Variants in HPDL observed in about 807,000 individuals in gnomAD.
HPDL encodes the protein 4-hydroxyphenylpyruvate dioxygenase-like protein.
In HPDL, 7 loss-of-function variants were observed where a neutral mutation model predicts 9.8. That is an observed-to-expected ratio of 0.71 (90% CI 0.41 to 1.34). The LOEUF is 1.34. Among genes scored for constraint, HPDL ranks in the 40% most tolerant of loss-of-function variants. The pLI is 0.01. For synonymous variants in HPDL, 250 were observed against 228.2 expected (o/e 1.10, Z -0.86); for missense variants, 530 against 495.1 (o/e 1.07, Z -0.67).
rs778577806 is a variant in HPDL at position 45,327,165 on chromosome 1, T to A, written c.17T>A (p.Leu6His). 1 of 1,564,826 alleles carries A rather than the reference T, an allele frequency of 6.4e-7. No individual in the cohort carries two copies. The highest frequency in any genetic ancestry group is 1.2e-5 in the South Asian group (1 of 86,188). Reference sequence around the variant, plus strand: ...CAGAGCGCCATGGCCGCGCCCGCCCTTCGTTTGTGCCACATCGCCTTCCAC... The same window carrying A: ...CAGAGCGCCATGGCCGCGCCCGCCCATCGTTTGTGCCACATCGCCTTCCAC... MAAPALRLCHIAFHVP... is the reference protein window; with the variant it reads MAAPAHRLCHIAFHVP... Residue 6 changes from leucine to histidine, a missense_variant, in exon 1 of 1, where the codon CTT becomes CAT. Leu to His is a moderately conservative substitution (Grantham distance 99). Coordinates refer to ENST00000334815, the MANE Select transcript of HPDL (RefSeq NM_032756.4). The surrounding 1 kb of genome is among the most constrained non-coding windows in gnomAD (Gnocchi z 6.3).
At position 45,328,527 on chromosome 1, in the gene HPDL, T is replaced by G; in HGVS notation, c.*263T>G. 2.4e-6 allele frequency: 1 copy of G among 425,290 alleles called. No homozygotes were observed. The highest frequency in any genetic ancestry group is 4.3e-6 in the Non-Finnish European group (1 of 230,102). 26.3% of individuals were successfully genotyped at this position (425,290 alleles called of 1,614,324 possible). A position where few individuals can be genotyped will look rare whatever the true frequency, so the allele number is the denominator to read the frequency against. On this transcript the variant is annotated 3_prime_UTR_variant, in exon 1 of 1. Transcript: ENST00000334815. ...AAAGAACAATAAAAGAATTACACACTAGGAAATAGAACATAACCAATACTT... is the reference window on the plus strand; with the variant it reads ...AAAGAACAATAAAAGAATTACACACGAGGAAATAGAACATAACCAATACTT...
In HPDL at chr1:45,327,957, C is replaced by G; in HGVS notation, c.809C>G (p.Thr270Ser). The G allele has an allele frequency of 6.2e-7, 1 of 1,600,486 alleles. No homozygotes were observed. Among genetic ancestry groups the G allele is most frequent in the Non-Finnish European group, 8.5e-7 (1 of 1,172,450 alleles). ...GLYTPNIVEA[T>S]EGVATAGGQF... ...TATACGCCTAACATTGTGGAGGCCA[C>G]TGAGGGGGTGGCAACTGCTGGAGGC... The change falls in exon 1 of 1, where the codon ACT becomes AGT. Residue 270 changes from threonine to serine, a missense_variant. By Grantham distance (58) the Thr-to-Ser change is moderately conservative. Coordinates refer to ENST00000334815, the MANE Select transcript of HPDL (RefSeq NM_032756.4). The surrounding 1 kb of genome is among the most constrained non-coding windows in gnomAD (Gnocchi z 6.3).
Position 45,328,184 on chromosome 1 carries a change from G to A in HPDL, c.1036G>A (p.Ala346Thr). The A allele has an allele frequency of 6.2e-7, 1 of 1,614,244 alleles. No homozygotes were observed. The highest frequency in any genetic ancestry group is 1.7e-4 in the Middle Eastern group (1 of 6,060). The part of the protein sequence containing the change: ...FFLELIQRQG[A>T]TGFGQGNIRA... ...CCTGGAGCTGATTCAGAGGCAGGGG[G>A]CCACTGGCTTTGGTCAGGGCAACAT... Residue 346 changes from alanine to threonine, a missense_variant, in exon 1 of 1, where the codon GCC (alanine) becomes ACC (threonine). Coordinates refer to ENST00000334815, the MANE Select transcript of HPDL (RefSeq NM_032756.4).
Position 45,327,536 on chromosome 1 carries a change from C to G in HPDL, c.388C>G (p.Leu130Val). 1.2e-6 allele frequency: 2 copies of G among 1,606,884 alleles called. No individual in the cohort carries two copies. Among genetic ancestry groups the G allele is most frequent in the Non-Finnish European group, 1.7e-6 (2 of 1,179,534 alleles). The change falls in exon 1 of 1, where the codon CTG becomes GTG. Residue 130 changes from leucine to valine, a missense_variant. Leu to Val is a conservative substitution (Grantham distance 32, BLOSUM62 1). Transcript: ENST00000334815. The surrounding 1 kb of genome is among the most constrained non-coding windows in gnomAD (Gnocchi z 6.3). The part of the protein sequence containing the change: ...VVSSPAGILS[L>V]TLLERAGYRG... ...CAGCTCGCCTGCCGGCATCCTCAGC[C>G]TGACCTTGCTGGAGCGCGCTGGCTA...
Position 45,327,724 on chromosome 1 carries a change from C to T in HPDL, c.576C>T (p.Ser192=), listed in dbSNP as rs753383257. 4.0e-5 allele frequency: 65 copies of T among 1,612,316 alleles called. No homozygotes were observed. The South Asian group carries it at 6.6e-4, about 16-fold the overall frequency. ...DCLGFCHLPL[S]PGEDPELGLE... ...TGGGCTTTTGCCACTTGCCGCTGAG[C>T]CCAGGTGAGGATCCCGAGCTGGGCC... is the stretch of plus-strand genomic sequence containing the variant. The change falls in exon 1 of 1, where the codon AGC becomes AGT. Residue 192 remains serine (S), a synonymous_variant. Coordinates refer to ENST00000334815, the MANE Select transcript of HPDL (RefSeq NM_032756.4). The surrounding 1 kb of genome is among the most constrained non-coding windows in gnomAD (Gnocchi z 6.3).
chr1:45,328,652 G>A lies in HPDL; in HGVS notation c.*388G>A, dbSNP rs144766514. On this transcript the variant is annotated 3_prime_UTR_variant, in exon 1 of 1. Coordinates refer to ENST00000334815, the MANE Select transcript of HPDL (RefSeq NM_032756.4). ...TTGCTTTTCTGTATTGTTTCACTCC[G>A]TATGTAACATAACCCTAAATAAATT... The A allele has an allele frequency of 1.4e-3, 291 of 206,298 alleles. No homozygotes were observed. The highest frequency in any genetic ancestry group is 5.7e-3 in the African/African-American group (245 of 42,988). 12.8% of individuals were successfully genotyped at this position (206,298 alleles called of 1,614,324 possible).
In HPDL at chr1:45,327,172, G is replaced by T; in HGVS notation, c.24G>T (p.Leu8Phe). The T allele has an allele frequency of 6.4e-7, 1 of 1,574,656 alleles. No individual in the cohort carries two copies. Among genetic ancestry groups the T allele is most frequent in the African/African-American group, 1.4e-5 (1 of 73,944 alleles). Residue 8 changes from leucine to phenylalanine, a missense_variant, in exon 1 of 1, where the codon TTG becomes TTT. Transcript: ENST00000334815. The surrounding 1 kb of genome is among the most constrained non-coding windows in gnomAD (Gnocchi z 6.3). Reference sequence around the variant, plus strand: ...CCATGGCCGCGCCCGCCCTTCGTTTGTGCCACATCGCCTTCCACGTGCCCG... The same window carrying T: ...CCATGGCCGCGCCCGCCCTTCGTTTTTGCCACATCGCCTTCCACGTGCCCG... MAAPALR[L>F]CHIAFHVPAG...
In HPDL at chr1:45,327,299, G is replaced by A; in HGVS notation, c.151G>A (p.Asp51Asn). 6.3e-7 allele frequency: 1 copy of A among 1,584,092 alleles called. No individual in the cohort carries two copies. The highest frequency in any genetic ancestry group is 8.6e-7 in the Non-Finnish European group (1 of 1,167,062). Reference protein sequence around the residue: ...GWRQLALRSGDAVFLVNEGAG... With the variant: ...GWRQLALRSGNAVFLVNEGAG... Reference sequence around the variant, plus strand: ...GCGGCAGCTAGCCCTGCGCAGCGGCGACGCGGTCTTTTTGGTGAACGAGGG... The same window carrying A: ...GCGGCAGCTAGCCCTGCGCAGCGGCAACGCGGTCTTTTTGGTGAACGAGGG... The change falls in exon 1 of 1, where the codon GAC becomes AAC. Residue 51 changes from aspartate to asparagine, a missense_variant. By Grantham distance (23) the Asp-to-Asn change is conservative. Transcript: ENST00000334815. The surrounding 1 kb of genome is among the most constrained non-coding windows in gnomAD (Gnocchi z 6.3).
At position 45,327,998 on chromosome 1, in the gene HPDL, C is replaced by T. The variant is rs780973640; in HGVS notation, c.850C>T (p.Pro284Ser). The change falls in exon 1 of 1, where the codon CCT (proline) becomes TCT (serine). Residue 284 changes from proline (P) to serine (S), a missense_variant. Coordinates refer to ENST00000334815, the MANE Select transcript of HPDL (RefSeq NM_032756.4). This position sits in a 1 kb window ranked among gnomAD's most constrained non-coding sequence, Gnocchi z 6.3. ...TGCTGGAGGCCAGTTCCTGGCTCCC[C>T]CTGGGGCATACTACCAGCAGCCAGG... ...ATAGGQFLAP[P>S]GAYYQQPGKE... 7.4e-6 allele frequency: 12 copies of T among 1,613,060 alleles called. No homozygotes were observed. Among genetic ancestry groups the T allele is most frequent in the Non-Finnish European group, 1.0e-5 (12 of 1,179,342 alleles).
chr1:45,327,142 G>A lies in HPDL; in HGVS notation c.-7G>A, dbSNP rs1235192399. 2 of 1,545,276 alleles carry A rather than the reference G, an allele frequency of 1.3e-6. No individual in the cohort carries two copies. Among genetic ancestry groups the A allele is most frequent in the Admixed American group, 3.9e-5 (2 of 51,604 alleles). On this transcript the variant is annotated 5_prime_UTR_variant, in exon 1 of 1. Transcript: ENST00000334815. The surrounding 1 kb of genome is among the most constrained non-coding windows in gnomAD (Gnocchi z 6.3). ...AAGGACAAGTCTAGGTCGCCGTCCA[G>A]AGCGCCATGGCCGCGCCCGCCCTTC...
Position 45,327,801 on chromosome 1 carries a change from A to G in HPDL, c.653A>G (p.Gln218Arg). ...GGGGGACTGAGGCTTACAGCCCTGC[A>G]GGCCCAGCCGGGCAGCATTGTCCCC... ...GLGGLRLTAL[Q>R]AQPGSIVPTL... The change falls in exon 1 of 1, where the codon CAG (glutamine) becomes CGG (arginine). Residue 218 changes from glutamine (Q) to arginine (R), a missense_variant. By Grantham distance (43) the Gln-to-Arg change is conservative. Transcript: ENST00000334815. The surrounding 1 kb of genome is among the most constrained non-coding windows in gnomAD (Gnocchi z 6.3). The G allele has an allele frequency of 6.3e-7, 1 of 1,593,850 alleles. No homozygotes were observed. Among genetic ancestry groups the G allele is most frequent in the Non-Finnish European group, 8.6e-7 (1 of 1,168,596 alleles).
rs2149081268 is a variant in HPDL at position 45,326,995 on chromosome 1, T to G, written c.-154T>G. On this transcript the variant is annotated 5_prime_UTR_variant, in exon 1 of 1. Coordinates refer to ENST00000334815, the MANE Select transcript of HPDL (RefSeq NM_032756.4). ...CCGCGAGCTCTCAGGGGTCGGCGGG[T>G]GACTTCTTTCCGGAAGAAAGCGAGG... 2.6e-6 allele frequency: 2 copies of G among 756,866 alleles called. No homozygotes were observed. The highest frequency in any genetic ancestry group is 3.2e-5 in the East Asian group (1 of 31,504). The allele number at this position is 756,866 out of a possible 1,614,324, so 46.9% of individuals were successfully genotyped here. A position where few individuals can be genotyped will look rare whatever the true frequency, so the allele number is the denominator to read the frequency against.
At position 45,327,324 on chromosome 1, in the gene HPDL, G is replaced by T; in HGVS notation, c.176G>T (p.Gly59Val). 6.3e-7 allele frequency: 1 copy of T among 1,578,994 alleles called. No homozygotes were observed. The change falls in exon 1 of 1, where the codon GGC becomes GTC. Residue 59 changes from glycine (G) to valine (V), a missense_variant. Gly to Val is a moderately radical substitution (Grantham distance 109, BLOSUM62 -3). Coordinates refer to ENST00000334815, the MANE Select transcript of HPDL (RefSeq NM_032756.4). The surrounding 1 kb of genome is among the most constrained non-coding windows in gnomAD (Gnocchi z 6.3). Reference protein sequence around the residue: ...SGDAVFLVNEGAGSGEPLYGL... With the variant: ...SGDAVFLVNEVAGSGEPLYGL... ...GACGCGGTCTTTTTGGTGAACGAGG[G>T]CGCAGGGTCTGGAGAGCCGCTGTAC...
Position 45,327,225 on chromosome 1 carries a change from A to G in HPDL, c.77A>G (p.Gln26Arg), listed in dbSNP as rs774676724. The G allele has an allele frequency of 3.1e-6, 5 of 1,603,572 alleles. No homozygotes were observed. Among genetic ancestry groups the G allele is most frequent in the Non-Finnish European group, 4.3e-6 (5 of 1,176,070 alleles). Residue 26 changes from glutamine to arginine, a missense_variant, in exon 1 of 1, where the codon CAG (glutamine) becomes CGG (arginine). Coordinates refer to ENST00000334815, the MANE Select transcript of HPDL (RefSeq NM_032756.4). This position sits in a 1 kb window ranked among gnomAD's most constrained non-coding sequence, Gnocchi z 6.3. ...GGGCAGCCCCTAGCCCGGAACCTGC[A>G]GCGCCTCTTCGGCTTCCAGCCCCTG... ...PAGQPLARNL[Q>R]RLFGFQPLAS...
chr1:45,327,101 A>G lies in HPDL; in HGVS notation c.-48A>G. 1 of 1,506,856 alleles carries G rather than the reference A, an allele frequency of 6.6e-7. No homozygotes were observed. Among genetic ancestry groups the G allele is most frequent in the Non-Finnish European group, 8.8e-7 (1 of 1,131,176 alleles). 93.3% of individuals were successfully genotyped at this position (1,506,856 alleles called of 1,614,324 possible). On this transcript the variant is annotated 5_prime_UTR_variant, in exon 1 of 1. Transcript: ENST00000334815. The surrounding 1 kb of genome is among the most constrained non-coding windows in gnomAD (Gnocchi z 6.3). ...TGAGAGCCCCGAAGTCCCCAACCAC[A>G]AGTAAGCGGCCCCAGAAGGACAAGT...
In HPDL at chr1:45,327,358, T is replaced by G. The variant is rs761644074; in HGVS notation, c.210T>G (p.Asp70Glu). 95 of 1,582,922 alleles carry G rather than the reference T, an allele frequency of 6.0e-5. No individual in the cohort carries two copies. The highest frequency in any genetic ancestry group is 6.9e-5 in the Non-Finnish European group (80 of 1,167,746). ...CTGGAGAGCCGCTGTACGGCCTGGA[T>G]CCGCGTCACGCCGTGCCCAGCGCCA... Reference protein sequence around the residue: ...AGSGEPLYGLDPRHAVPSATN... With the variant: ...AGSGEPLYGLEPRHAVPSATN... The change falls in exon 1 of 1, where the codon GAT becomes GAG. Residue 70 changes from aspartate to glutamate, a missense_variant. By Grantham distance (45) the Asp-to-Glu change is conservative. Coordinates refer to ENST00000334815, the MANE Select transcript of HPDL (RefSeq NM_032756.4). This position sits in a 1 kb window ranked among gnomAD's most constrained non-coding sequence, Gnocchi z 6.3.
In HPDL at chr1:45,327,524, G is replaced by C; in HGVS notation, c.376G>C (p.Gly126Arg). 1 of 1,604,624 alleles carries C rather than the reference G, an allele frequency of 6.2e-7. No homozygotes were observed. The highest frequency in any genetic ancestry group is 8.5e-7 in the Non-Finnish European group (1 of 1,179,242). ...TTACGCCGTGGTCAGCTCGCCTGCCGGCATCCTCAGCCTGACCTTGCTGGA... is the reference window on the plus strand; with the variant it reads ...TTACGCCGTGGTCAGCTCGCCTGCCCGCATCCTCAGCCTGACCTTGCTGGA... Reference protein sequence around the residue: ...ATYAVVSSPAGILSLTLLERA... With the variant: ...ATYAVVSSPARILSLTLLERA... The change falls in exon 1 of 1, where the codon GGC becomes CGC. Residue 126 changes from glycine (G) to arginine (R), a missense_variant. By Grantham distance (125) the Gly-to-Arg change is moderately radical. Transcript: ENST00000334815. The surrounding 1 kb of genome is among the most constrained non-coding windows in gnomAD (Gnocchi z 6.3).
rs199605999 is a variant in HPDL at position 45,327,451 on chromosome 1, C to G, written c.303C>G (p.Ser101Arg). Residue 101 changes from serine (S) to arginine (R), a missense_variant, in exon 1 of 1, where the codon AGC (serine) becomes AGG (arginine). Coordinates refer to ENST00000334815, the MANE Select transcript of HPDL (RefSeq NM_032756.4). The surrounding 1 kb of genome is among the most constrained non-coding windows in gnomAD (Gnocchi z 6.3). ...GGGAGCTGGCAGCGCTGGGCTGCAG[C>G]GTGCCTGTCCCTCCCGTTCGCGTGC... ...ATRELAALGCSVPVPPVRVRD... is the reference protein window; with the variant it reads ...ATRELAALGCRVPVPPVRVRD... 1.4e-5 allele frequency: 22 copies of G among 1,586,862 alleles called. No homozygotes were observed. In the East Asian group the frequency reaches 4.5e-4, roughly 33 times the overall value.
chr1:45,327,695 T>C lies in HPDL; in HGVS notation c.547T>C (p.Cys183Arg). Residue 183 changes from cysteine to arginine, a missense_variant, in exon 1 of 1, where the codon TGC (cysteine) becomes CGC (arginine). Coordinates refer to ENST00000334815, the MANE Select transcript of HPDL (RefSeq NM_032756.4). The surrounding 1 kb of genome is among the most constrained non-coding windows in gnomAD (Gnocchi z 6.3). Reference protein sequence around the residue: ...SPTLLRWFHDCLGFCHLPLSP... With the variant: ...SPTLLRWFHDRLGFCHLPLSP... Reference sequence around the variant, plus strand: ...CACACTTTTGCGCTGGTTCCACGACTGCCTGGGCTTTTGCCACTTGCCGCT... The same window carrying C: ...CACACTTTTGCGCTGGTTCCACGACCGCCTGGGCTTTTGCCACTTGCCGCT... 1 of 1,610,428 alleles carries C rather than the reference T, an allele frequency of 6.2e-7. No individual in the cohort carries two copies. Among genetic ancestry groups the C allele is most frequent in the Non-Finnish European group, 8.5e-7 (1 of 1,177,680 alleles).
Sources: gnomAD v4.1 joint callset for allele counts on GRCh38, gnomAD v4.1.1 for gene constraint, Gnocchi (gnomAD v3.1) non-coding constraint, MANE v1.5 for transcripts, NCBI Gene and HGNC (gene_info 2026-07-23, HGNC 2026-07-21) for gene names.